Variants in UACA observed in about 807,000 individuals in gnomAD.
UACA encodes the protein nuclear membrane binding protein.
UACA carries 112 observed loss-of-function variants against 160.5 expected under a neutral mutation model. The ratio of observed to expected loss-of-function variants is 0.70; its 90% CI spans 0.60 to 0.82. The LOEUF (loss-of-function observed/expected upper bound fraction) is 0.82, where lower values mean the gene tolerates loss of function less well. Ranked by LOEUF, UACA falls within the 40% of genes least tolerant of loss-of-function variation. The pLI is 0.00. For synonymous variants in UACA, 557 were observed against 568.4 expected, an observed-to-expected ratio of 0.98 and a Z score of 0.29; for missense variants, 1,574 against 1,614.6, an observed-to-expected ratio of 0.97 and a Z score of 0.43.
At chr15:70,675,437 A>G (rs1017609940) in intron 13 of UACA, among the ~76,000 whole-genome samples, 1 of 152,232 alleles carries the variant, frequency 6.6e-6, no homozygotes, top group African/African-American at 2.4e-5. Flanking sequence ...GAATTTTTGC[A>G]TATGCATACC....
chr15:70,713,070 C>A (rs543582902), intron 1 of UACA, among the ~76,000 whole-genome samples: 1 of 152,084 alleles, frequency 6.6e-6, no homozygotes, highest in Non-Finnish European at 1.5e-5. Flanking sequence ...GAGAGCCGGG[C>A]GCAGTGGCTC....
At chr15:70,706,527 A>G (rs1264570218) in intron 1 of UACA, among the ~76,000 whole-genome samples, 1 of 151,758 alleles carries the variant, frequency 6.6e-6, no homozygotes, top group Non-Finnish European at 1.5e-5. Context: ...GTTAAAAAAA[A>G]AAAAAAAAAA....
chr15:70,662,117 A>G (rs551180827), intron 17 of UACA, among the ~76,000 whole-genome samples: 28 of 152,298 alleles, frequency 1.8e-4, no homozygotes, highest in African/African-American at 5.8e-4. Flanking sequence ...AAACCCCATC[A>G]TCTCAGCCCA....
chr15:70,662,768 T>A (rs2046170520), intron 17 of UACA, among the ~76,000 whole-genome samples: 1 of 152,182 alleles, frequency 6.6e-6, no homozygotes, highest in Non-Finnish European at 1.5e-5. Flanking sequence ...GGGAAACCAT[T>A]CCCTATTTAA....
At chr15:70,671,133 ATAC>A (rs1352052408) in intron 14 of UACA, 42 bp from the exon 15 acceptor site, 1 of 1,334,290 alleles carries the variant, frequency 7.5e-7, no homozygotes, top group Non-Finnish European at 1.1e-6. Flanking sequence ...TTCAATATCC[ATAC>A]TAAAGTAGGC....
intron 1 of UACA, among the ~76,000 whole-genome samples, chr15:70,714,444 A>G (rs1898770057): frequency 6.6e-6 from 1 of 152,174 alleles, no homozygotes; most frequent in African/African-American, 2.4e-5. Flanking sequence ...CACTTCTGTT[A>G]TCCTTCCACT....
At position 70,660,162 on chromosome 15, in the gene UACA, T is replaced by C. The variant is rs1487612749; in HGVS notation, c.4168A>G (p.Ser1390Gly). 2 of 1,613,422 alleles carry C rather than the reference T, an allele frequency of 1.2e-6. No individual in the cohort carries two copies. The highest frequency in any genetic ancestry group is 1.7e-6 in the Non-Finnish European group (2 of 1,179,500). The stretch of plus-strand genomic sequence containing the variant: ...AAGTAGTTCTTTACCTGTGCAGCAC[T>C]AAGAAGGTGTGTCCGATAAATTGCA... ...VIAIYRTHLL[S>G]AAQGHMDEDV... The change falls in exon 18 of 19, where the codon AGT (serine) becomes GGT (glycine). Residue 1390 changes from serine (S) to glycine (G), a missense_variant. Coordinates refer to ENST00000322954, the MANE Select transcript of UACA (RefSeq NM_018003.4).
intron 1 of UACA, among the ~76,000 whole-genome samples, chr15:70,718,026 T>TATACAC (rs1555414598): frequency 1.6e-5 from 2 of 124,874 alleles, no homozygotes; most frequent in African/African-American, 8.4e-5. Flanking sequence ...TAAATTTCTT[T>TATACAC]ATACACACAC....
chr15:70,749,721 A>AAG (rs2029921952), intron 1 of UACA, among the ~76,000 whole-genome samples: 1 of 142,432 alleles, frequency 7.0e-6, no homozygotes, highest in Non-Finnish European at 1.6e-5. Context: ...AAAAAAAAAA[A>AAG]GTTGGAGAAA....
intron 15 of UACA, 137 bp downstream of exon 15, chr15:70,670,902 C>A: frequency 2.3e-6 from 1 of 430,760 alleles, no homozygotes; most frequent in Non-Finnish European, 4.1e-6. Context: ...GAAAGCAGGA[C>A]CAACTTGTCT....
chr15:70,717,651 T>A (rs1272977165), intron 1 of UACA, among the ~76,000 whole-genome samples: 1 of 152,204 alleles, frequency 6.6e-6, no homozygotes, highest in Non-Finnish European at 1.5e-5. Flanking sequence ...TCATAAGACC[T>A]ACCAGAAAGT....
rs1053064825 is a variant in UACA at position 70,655,896 on chromosome 15, G to T, written c.*1160C>A. 4.6e-5 allele frequency: 7 copies of T among 152,162 alleles called. No homozygotes were observed. The highest frequency in any genetic ancestry group is 1.7e-4 in the African/African-American group (7 of 41,428). 9.4% of individuals were successfully genotyped at this position (152,162 alleles called of 1,614,324 possible). A position where few individuals can be genotyped will look rare whatever the true frequency, so the allele number is the denominator to read the frequency against. On this transcript the variant is annotated 3_prime_UTR_variant, in exon 19 of 19. Coordinates refer to ENST00000322954, the MANE Select transcript of UACA (RefSeq NM_018003.4). ...CAGTTATTTGTTAATACTCAAATTA[G>T]TAATTTTCACTCTGAATGGTAAATA...
intron 13 of UACA, among the ~76,000 whole-genome samples, chr15:70,673,956 G>A (rs1333442813): frequency 6.6e-6 from 1 of 152,086 alleles, no homozygotes; most frequent in Non-Finnish European, 1.5e-5. Flanking sequence ...CCACCTCCTG[G>A]GTTCAAGTGA....
At chr15:70,687,224 TAA>T (rs1461848583) in intron 7 of UACA, among the ~76,000 whole-genome samples, 3 of 152,236 alleles carry the variant, frequency 2.0e-5, no homozygotes, top group Non-Finnish European at 2.9e-5. Context: ...CCCATTTCAT[TAA>T]AGAGTTTTTT....
the UACA span, among the ~76,000 whole-genome samples, chr15:70,772,686 A>G: frequency 6.6e-6 from 1 of 152,146 alleles, no homozygotes; most frequent in Non-Finnish European, 1.5e-5. Context: ...AAATTCATTA[A>G]TTTGGAAGTT....
rs1896480497 is a variant in UACA, at chr15:70,656,592, T to C, written c.*464A>G. 1 of 152,752 alleles carries C rather than the reference T, an allele frequency of 6.5e-6. No individual in the cohort carries two copies. Among genetic ancestry groups the C allele is most frequent in the Admixed American group, 6.5e-5 (1 of 15,360 alleles). 9.5% of individuals were successfully genotyped at this position (152,752 alleles called of 1,614,324 possible). A position where few individuals can be genotyped will look rare whatever the true frequency, so the allele number is the denominator to read the frequency against. On this transcript the variant is annotated 3_prime_UTR_variant, in exon 19 of 19. Coordinates refer to ENST00000322954, the MANE Select transcript of UACA (RefSeq NM_018003.4). ...CAGTAAAGATACTGTAACATGTAACTTGGCCAGCCAAGTTACAACACATTC... is the reference window on the plus strand; with the variant it reads ...CAGTAAAGATACTGTAACATGTAACCTGGCCAGCCAAGTTACAACACATTC...
rs574725954 is a variant in UACA, at chr15:70,671,043, G to C, written c.1217C>G (p.Ser406Ter). The C allele has an allele frequency of 1.3e-6, 2 of 1,533,758 alleles. No individual in the cohort carries two copies. The highest frequency in any genetic ancestry group is 2.6e-5 in the South Asian group (2 of 75,946). ...AAAAAAAAAAACAGTTATTACCTGT[G>C]AGTCTGCCATATACATCTGACCTTG... ...LKQGQMYMAD[S>*]QCTSPGIPAH... is the part of the protein sequence containing the mutation. The change falls in exon 15 of 19, where the codon TCA becomes TGA. Residue 406 changes from serine to a stop codon, truncating the protein, a stop_gained. Transcript: ENST00000322954. LOFTEE classifies it high-confidence loss of function.
intron 3 of UACA, among the ~76,000 whole-genome samples, chr15:70,693,764 A>T (rs1438926982): frequency 3.9e-5 from 6 of 151,946 alleles, no homozygotes; most frequent in Non-Finnish European, 8.8e-5. Flanking sequence ...AACAAGAAAG[A>T]TACCTGTTTG....
chr15:70,752,444 A>G (rs1014999175), intron 1 of UACA, among the ~76,000 whole-genome samples: 3 of 152,120 alleles, frequency 2.0e-5, no homozygotes, highest in Non-Finnish European at 2.9e-5. Context: ...AAATAACAGC[A>G]TGCTGGAAGA....
Sources: gnomAD v4.1 joint callset for allele counts (sites outside exome capture counted in the v4.1 genomes callset) on GRCh38, gnomAD v4.1.1 for gene constraint, MANE v1.5 for transcripts, NCBI Gene and HGNC (gene_info 2026-07-23, HGNC 2026-07-21) for gene names.